Variants in ADGRG2 observed in about 807,000 individuals in gnomAD.
The protein encoded by ADGRG2 is G protein-coupled receptor 64.
ADGRG2 carries 26 observed loss-of-function variants against 74.1 expected under a neutral mutation model. That is an observed-to-expected ratio of 0.35 (90% CI 0.26 to 0.49). ADGRG2 has a LOEUF of 0.49. Among genes scored for constraint, ADGRG2 ranks in the 20% least tolerant of loss-of-function variants. ADGRG2 has a pLI of 0.99. For missense variants in ADGRG2, 619 were observed against 763.1 expected, an observed-to-expected ratio of 0.81 and a Z score of 2.22; for synonymous variants, 296 against 295.2, an observed-to-expected ratio of 1.00 and a Z score of -0.03.
intron 15 of ADGRG2, among the ~76,000 whole-genome samples, chrX:19,015,719 A>G (rs148918311): frequency 0.011 from 1,218 of 111,969 alleles, 21 homozygotes; most frequent in African/African-American, 0.037. Flanking sequence ...ACTCTGTCTC[A>G]GAAACAAACA....
At chrX:19,089,924 G>A (rs754728095) in intron 1 of ADGRG2, among the ~76,000 whole-genome samples, 1 of 112,131 alleles carries the variant, frequency 8.9e-6, no homozygotes, top group South Asian at 3.7e-4. Context: ...ATTTTGGGCT[G>A]TTTTGTTATG....
intron 1 of ADGRG2, among the ~76,000 whole-genome samples, chrX:19,097,295 T>TCG (rs1368313445): frequency 8.9e-6 from 1 of 112,478 alleles, no homozygotes; most frequent in Non-Finnish European, 1.9e-5. Flanking sequence ...GTGGATCACT[T>TCG]GAGGTCAGGA....
intron 11 of ADGRG2, among the ~76,000 whole-genome samples, chrX:19,024,246 G>T (rs1037157491): frequency 4.2e-4 from 47 of 111,495 alleles, no homozygotes; most frequent in African/African-American, 1.2e-3. Context: ...GCTTCTTCTG[G>T]CAGAGGGTCA....
chrX:19,068,453 G>A (rs182643832), intron 3 of ADGRG2, among the ~76,000 whole-genome samples: 1 of 109,137 alleles, frequency 9.2e-6, no homozygotes, highest in Non-Finnish European at 1.9e-5. Context: ...ACCAGGAAGG[G>A]GTGGGGGGGA....
chrX:19,056,606 T>A (rs188053683), intron 3 of ADGRG2, among the ~76,000 whole-genome samples: 106 of 111,999 alleles, frequency 9.5e-4, no homozygotes, highest in African/African-American at 3.4e-3. Flanking sequence ...GTTGGAAAAA[T>A]TGTATTTTTA....
At chrX:19,056,687 G>A (rs913774732) in intron 3 of ADGRG2, among the ~76,000 whole-genome samples, 40 of 111,963 alleles carry the variant, frequency 3.6e-4, no homozygotes, top group African/African-American at 1.3e-3. Context: ...TTATACATTG[G>A]TAGCTCCTGT....
chrX:19,002,319 A>G (rs1221540348), intron 24 of ADGRG2, among the ~76,000 whole-genome samples: 1 of 111,647 alleles, frequency 9.0e-6, no homozygotes. Context: ...GCGACCTGCC[A>G]CCAATAGGCT....
At chrX:18,991,992 C>T (rs1226113850) in intron 28 of ADGRG2, among the ~76,000 whole-genome samples, 1 of 111,829 alleles carries the variant, frequency 8.9e-6, no homozygotes, top group Non-Finnish European at 1.9e-5. Flanking sequence ...CCCAAGGTCA[C>T]ACAGCTCAGA....
At chrX:19,096,402 A>G (rs959112879) in intron 1 of ADGRG2, among the ~76,000 whole-genome samples, 6 of 96,099 alleles carry the variant, frequency 6.2e-5, no homozygotes, top group African/African-American at 2.4e-4. Context: ...ACAGAGCGAG[A>G]CTCTATCTAA....
intron 1 of ADGRG2, among the ~76,000 whole-genome samples, chrX:19,119,712 T>A (rs952977537): frequency 8.9e-6 from 1 of 111,821 alleles, no homozygotes; most frequent in African/African-American, 3.2e-5. Flanking sequence ...GATGTCCTGC[T>A]CTGAGTCCCC....
At chrX:19,042,780 CA>C (rs1278045709) in intron 3 of ADGRG2, among the ~76,000 whole-genome samples, 2 of 111,014 alleles carry the variant, frequency 1.8e-5, no homozygotes, top group Non-Finnish European at 3.8e-5. Flanking sequence ...CACTTGAGGC[CA>C]GGAGTTCGAG....
chrX:19,023,319 G>T, intron 13 of ADGRG2, 97 bp downstream of exon 13: 1 of 467,466 alleles, frequency 2.1e-6, no homozygotes, highest in Non-Finnish European at 3.6e-6. Context: ...TATTTTAGAG[G>T]ACCCCCTTTG....
At chrX:19,091,492 TCACACACACACACACACACA>T (rs57540002) in intron 1 of ADGRG2, among the ~76,000 whole-genome samples, 11 of 82,638 alleles carry the variant, frequency 1.3e-4, no homozygotes, top group Admixed American at 2.9e-4. Context: ...AGATTTTATG[TCACACACACACACACACACA>T]CACACACACA....
intron 24 of ADGRG2, 45 bp downstream of exon 24, chrX:19,002,801 A>G (rs1216084281): frequency 3.5e-6 from 4 of 1,143,917 alleles, no homozygotes; most frequent in Non-Finnish European, 4.7e-6. Context: ...CACTAGAGAA[A>G]AGGCAGAGAA....
At chrX:19,057,367 T>C (rs920315847) in intron 3 of ADGRG2, among the ~76,000 whole-genome samples, 8 of 112,124 alleles carry the variant, frequency 7.1e-5, no homozygotes, top group Non-Finnish European at 1.5e-4. Flanking sequence ...TTCCATCCCT[T>C]CGTATTACAC....
chrX:18,994,027 G>A (rs1167744200), intron 28 of ADGRG2, among the ~76,000 whole-genome samples: 1 of 112,170 alleles, frequency 8.9e-6, no homozygotes, highest in East Asian at 2.8e-4. Context: ...GAGTAAAGGA[G>A]GCATGGCAGC....
chrX:19,019,997 G>A (rs1311336558), intron 14 of ADGRG2, among the ~76,000 whole-genome samples: 3 of 111,447 alleles, frequency 2.7e-5, no homozygotes, highest in Admixed American at 9.6e-5. Flanking sequence ...GACAAATACC[G>A]CATGATCTCA....
intron 3 of ADGRG2, among the ~76,000 whole-genome samples, chrX:19,056,740 A>G (rs2061415480): frequency 1.8e-5 from 2 of 111,578 alleles, no homozygotes; most frequent in African/African-American, 6.5e-5. Flanking sequence ...GCTTGTCATG[A>G]GCTTTGAAAG....
At chrX:19,117,104 A>G (rs2062531970) in intron 1 of ADGRG2, among the ~76,000 whole-genome samples, 1 of 110,299 alleles carries the variant, frequency 9.1e-6, no homozygotes, top group Non-Finnish European at 1.9e-5. Context: ...AACCTGGCCA[A>G]GATGGTGAAA....
Sources: gnomAD v4.1 joint callset for allele counts (sites outside exome capture counted in the v4.1 genomes callset) on GRCh38, gnomAD v4.1.1 for gene constraint, MANE v1.5 for transcripts, NCBI Gene and HGNC (gene_info 2026-07-23, HGNC 2026-07-21) for gene names.